The following ASIC2 variants were observed in gnomAD, a reference collection of about 807,000 sequenced individuals.
ASIC2 encodes the protein acid-sensing ion channel 2.
ASIC2 carries 25 observed loss-of-function variants against 57.3 expected under a neutral mutation model. The ratio of observed to expected loss-of-function variants is 0.44; its 90% CI spans 0.32 to 0.61. The LOEUF (loss-of-function observed/expected upper bound fraction) is 0.61, where lower values mean the gene tolerates loss of function less well. Among genes scored for constraint, ASIC2 ranks in the 20% least tolerant of loss-of-function variants. The pLI is 0.06. For synonymous variants in ASIC2, 319 were observed against 307.5 expected, an observed-to-expected ratio of 1.04 and a Z score of -0.39; for missense variants, 641 against 738.1, an observed-to-expected ratio of 0.87 and a Z score of 1.52.
intron 1 of ASIC2, among the ~76,000 whole-genome samples, chr17:33,931,596 G>A (rs141946228): frequency 5.5e-4 from 84 of 152,304 alleles, no homozygotes; most frequent in Admixed American, 4.6e-4. Context: ...CTTTAGCAAA[G>A]CACAGCGCTT....
chr17:33,746,045 G>A (rs186924240), intron 1 of ASIC2, among the ~76,000 whole-genome samples: 8 of 151,914 alleles, frequency 5.3e-5, no homozygotes, highest in Admixed American at 3.9e-4. Flanking sequence ...AAGGTAGACA[G>A]GAGCAAAATC....
At chr17:33,578,298 G>C (rs546724216) in intron 1 of ASIC2, among the ~76,000 whole-genome samples, 2 of 152,086 alleles carry the variant, frequency 1.3e-5, no homozygotes. Context: ...AAACACTGTG[G>C]TTTAGAAGTT....
At chr17:33,653,025 T>A (rs902645367) in intron 1 of ASIC2, among the ~76,000 whole-genome samples, 1 of 152,250 alleles carries the variant, frequency 6.6e-6, no homozygotes, top group Non-Finnish European at 1.5e-5. Flanking sequence ...ACTCTCTTTA[T>A]GCCTTAGCTA....
chr17:34,113,506 A>G (rs1911338362), intron 1 of ASIC2, among the ~76,000 whole-genome samples: 1 of 151,884 alleles, frequency 6.6e-6, no homozygotes, highest in Admixed American at 6.6e-5. Context: ...GGTTGCAGTG[A>G]GCTATGATTG....
intron 1 of ASIC2, among the ~76,000 whole-genome samples, chr17:33,260,184 AC>A (rs1452462109): frequency 6.6e-6 from 1 of 152,222 alleles, no homozygotes; most frequent in Admixed American, 6.5e-5. Flanking sequence ...CCCAGTGAAC[AC>A]AGGCAGGGGC....
At chr17:33,378,836 C>G (rs769983696) in intron 1 of ASIC2, among the ~76,000 whole-genome samples, 2 of 152,146 alleles carry the variant, frequency 1.3e-5, no homozygotes, top group Non-Finnish European at 2.9e-5. Flanking sequence ...TGGATCTGGA[C>G]AGGAACAGCA....
intron 1 of ASIC2, among the ~76,000 whole-genome samples, chr17:33,299,121 T>G (rs1905843338): frequency 6.6e-6 from 1 of 152,216 alleles, no homozygotes; most frequent in South Asian, 2.1e-4. Flanking sequence ...AAAAAGAGCC[T>G]GCATCCCAAG....
chr17:33,344,257 A>G (rs1483933063), intron 1 of ASIC2, among the ~76,000 whole-genome samples: 1 of 152,198 alleles, frequency 6.6e-6, no homozygotes, highest in African/African-American at 2.4e-5. Context: ...AGAGGAGGCC[A>G]GCTTTTCTCT....
At chr17:34,081,846 T>G (rs1322823890) in intron 1 of ASIC2, among the ~76,000 whole-genome samples, 1 of 152,160 alleles carries the variant, frequency 6.6e-6, no homozygotes, top group Non-Finnish European at 1.5e-5. Flanking sequence ...TTGGAGATAA[T>G]AGTTTCAGAG....
At chr17:33,404,755 C>T (rs11655499) in intron 1 of ASIC2, among the ~76,000 whole-genome samples, 16,907 of 152,252 alleles carry the variant, frequency 0.11, 1,182 homozygotes, top group Middle Eastern at 0.17. Context: ...AAATATTTTG[C>T]CACTGTCACT....
At chr17:33,329,334 G>T (rs1474045812) in intron 1 of ASIC2, among the ~76,000 whole-genome samples, 2 of 152,198 alleles carry the variant, frequency 1.3e-5, no homozygotes, top group Admixed American at 1.3e-4. Context: ...GTAGCCATTA[G>T]TGTGATTAGA....
chr17:33,208,125 G>A (rs1030048504), intron 1 of ASIC2, among the ~76,000 whole-genome samples: 4 of 152,200 alleles, frequency 2.6e-5, no homozygotes, highest in African/African-American at 4.8e-5. Context: ...CTGACTGGGG[G>A]AGGTAAAGGG....
intron 1 of ASIC2, among the ~76,000 whole-genome samples, chr17:33,922,171 A>AT (rs1318352033): frequency 1.3e-5 from 2 of 152,166 alleles, no homozygotes; most frequent in Non-Finnish European, 2.9e-5. Flanking sequence ...TGACTTGGTG[A>AT]TTAAGACCAG....
At chr17:33,286,555 C>T (rs769598340) in intron 1 of ASIC2, among the ~76,000 whole-genome samples, 1 of 152,298 alleles carries the variant, frequency 6.6e-6, no homozygotes, top group East Asian at 1.9e-4. Context: ...GAACTAGGCG[C>T]GGGGCCTAGA....
chr17:33,160,661 G>GA (rs1905137380), intron 1 of ASIC2, among the ~76,000 whole-genome samples: 1 of 83,894 alleles, frequency 1.2e-5, no homozygotes, highest in African/African-American at 4.6e-5. Context: ...ATCTGAGAGA[G>GA]GTGGGACAGA....
chr17:33,135,904 C>T (rs2092365250), intron 1 of ASIC2, among the ~76,000 whole-genome samples: 1 of 152,224 alleles, frequency 6.6e-6, no homozygotes, highest in Admixed American at 6.5e-5. Flanking sequence ...CAATATTTCT[C>T]CATTTCCCTC....
chr17:33,961,436 G>A (rs755278035), intron 1 of ASIC2, among the ~76,000 whole-genome samples: 17 of 152,306 alleles, frequency 1.1e-4, no homozygotes, highest in South Asian at 4.1e-4. Flanking sequence ...AGCTTAGCCC[G>A]AGCTTATGTC....
chr17:33,517,109 T>A (rs1914595922), intron 1 of ASIC2, among the ~76,000 whole-genome samples: 1 of 152,212 alleles, frequency 6.6e-6, no homozygotes, highest in African/African-American at 2.4e-5. Flanking sequence ...TTATACCTTT[T>A]GCTGCATATT....
intron 1 of ASIC2, among the ~76,000 whole-genome samples, chr17:33,282,196 A>T (rs1358982915): frequency 6.6e-6 from 1 of 152,212 alleles, no homozygotes; most frequent in East Asian, 1.9e-4. Flanking sequence ...AACAAATTAC[A>T]CAAACCTTAC....
Sources: gnomAD v4.1 joint callset for allele counts (sites outside exome capture counted in the v4.1 genomes callset) on GRCh38, gnomAD v4.1.1 for gene constraint, MANE v1.5 for transcripts, NCBI Gene and HGNC (gene_info 2026-07-23, HGNC 2026-07-21) for gene names.